SNTG1: variants seen among roughly 807,000 people sequenced by gnomAD.
SNTG1 encodes gamma-1-syntrophin.
SNTG1 carries 39 observed loss-of-function variants against 74.7 expected under a neutral mutation model. That is an observed-to-expected ratio of 0.52 (90% confidence interval 0.40 to 0.68). The LOEUF (loss-of-function observed/expected upper bound fraction) is 0.68. Ranked by LOEUF, SNTG1 falls within the 30% of genes least tolerant of loss-of-function variation. The pLI, the probability that SNTG1 is intolerant of heterozygous loss-of-function variation, is 0.00. For missense variants in SNTG1, 685 were observed against 609.5 expected, an observed-to-expected ratio of 1.12 and a Z score of -1.30; for synonymous variants, 254 against 217.1, an observed-to-expected ratio of 1.17 and a Z score of -1.49.
chr8:50,396,976 A>C (rs940745735), intron 3 of SNTG1, among the ~76,000 whole-genome samples: 5 of 152,222 alleles, frequency 3.3e-5, no homozygotes, highest in African/African-American at 9.6e-5. Flanking sequence ...TAGCTAATTA[A>C]TAATTTAAAT....
chr8:50,354,691 A>G (rs1315555967), intron 2 of SNTG1, among the ~76,000 whole-genome samples: 1 of 152,130 alleles, frequency 6.6e-6, no homozygotes, highest in Non-Finnish European at 1.5e-5. Context: ...GAGTCCAAGC[A>G]CAGCTCAGGT....
At chr8:50,641,634 G>A (rs2095073842) in intron 13 of SNTG1, among the ~76,000 whole-genome samples, 1 of 152,108 alleles carries the variant, frequency 6.6e-6, no homozygotes, top group South Asian at 2.1e-4. Context: ...CTACTCCTGG[G>A]CAAACTTCTT....
At chr8:50,675,608 TCCAATTTG>T (rs755735341) in intron 15 of SNTG1, among the ~76,000 whole-genome samples, 2 of 152,124 alleles carry the variant, frequency 1.3e-5, no homozygotes, top group African/African-American at 2.4e-5. Flanking sequence ...TGACTCTTTA[TCCAATTTG>T]CCAATCTGTG....
chr8:50,361,541 G>C (rs1257121929), intron 2 of SNTG1, among the ~76,000 whole-genome samples: 2 of 152,094 alleles, frequency 1.3e-5, no homozygotes, highest in South Asian at 2.1e-4. Context: ...GATCTCTCTA[G>C]GCTGCCCAGA....
chr8:50,440,710 G>A (rs1048948125), intron 5 of SNTG1, among the ~76,000 whole-genome samples: 2 of 151,982 alleles, frequency 1.3e-5, no homozygotes, highest in Admixed American at 6.6e-5. Context: ...GGCACACACC[G>A]GAAAGACTCG....
At chr8:50,221,743 T>C (rs2085080620) in intron 2 of SNTG1, among the ~76,000 whole-genome samples, 1 of 152,180 alleles carries the variant, frequency 6.6e-6, no homozygotes, top group African/African-American at 2.4e-5. Context: ...ATATGTACAA[T>C]GTATAGTGGG....
intron 11 of SNTG1, among the ~76,000 whole-genome samples, chr8:50,550,175 T>C (rs1226799126): frequency 6.6e-6 from 1 of 152,146 alleles, no homozygotes; most frequent in Non-Finnish European, 1.5e-5. Context: ...GCCACACAAA[T>C]CTAGCCACTC....
intron 13 of SNTG1, among the ~76,000 whole-genome samples, chr8:50,617,380 AC>A (rs2094891870): frequency 1.8e-4 from 2 of 11,300 alleles, no homozygotes; most frequent in Non-Finnish European, 3.0e-4. Flanking sequence ...TAAGCATTTC[AC>A]ACACACACAC....
chr8:50,161,215 C>A (rs556985017), intron 1 of SNTG1, among the ~76,000 whole-genome samples: 1 of 152,036 alleles, frequency 6.6e-6, no homozygotes, highest in African/African-American at 2.4e-5. Context: ...TCAGCAGCAG[C>A]GCATAGAACA....
intron 2 of SNTG1, among the ~76,000 whole-genome samples, chr8:50,238,753 G>A (rs1456758480): frequency 6.6e-6 from 1 of 152,098 alleles, no homozygotes; most frequent in Admixed American, 6.5e-5. Flanking sequence ...TCTGACAAAA[G>A]TCTGATATCC....
At chr8:50,074,673 G>A (rs1461040035) in intron 1 of SNTG1, among the ~76,000 whole-genome samples, 1 of 152,180 alleles carries the variant, frequency 6.6e-6, no homozygotes, top group East Asian at 1.9e-4. Flanking sequence ...AATATTGCTA[G>A]AATTACCAAA....
At chr8:50,319,887 T>C (rs2090461030) in intron 2 of SNTG1, among the ~76,000 whole-genome samples, 1 of 152,206 alleles carries the variant, frequency 6.6e-6, no homozygotes, top group Admixed American at 6.5e-5. Flanking sequence ...GAATGATCTC[T>C]TTAAGATATT....
At chr8:50,713,512 T>A (rs958074292) in intron 17 of SNTG1, among the ~76,000 whole-genome samples, 8 of 152,192 alleles carry the variant, frequency 5.3e-5, no homozygotes, top group African/African-American at 1.7e-4. Context: ...TTTAATGAGA[T>A]CCCATTTGTC....
intron 1 of SNTG1, among the ~76,000 whole-genome samples, chr8:50,002,741 G>T (rs1814860920): frequency 6.6e-6 from 1 of 151,982 alleles, no homozygotes; most frequent in Non-Finnish European, 1.5e-5. Context: ...CAGCAATTTT[G>T]TTACAAATAT....
chr8:50,019,084 T>C (rs1335397295), intron 1 of SNTG1, among the ~76,000 whole-genome samples: 3 of 152,024 alleles, frequency 2.0e-5, no homozygotes, highest in Admixed American at 1.3e-4. Context: ...GAAGAGAAGA[T>C]GAATGATTGC....
At chr8:50,085,542 G>A (rs558940795) in intron 1 of SNTG1, among the ~76,000 whole-genome samples, 1 of 152,288 alleles carries the variant, frequency 6.6e-6, no homozygotes, top group African/African-American at 2.4e-5. Flanking sequence ...GTATCATCAA[G>A]CCCTCAGGTT....
chr8:50,596,661 T>C (rs988718698), intron 13 of SNTG1, among the ~76,000 whole-genome samples: 1 of 152,032 alleles, frequency 6.6e-6, no homozygotes, highest in Non-Finnish European at 1.5e-5. Context: ...ATGACACAAA[T>C]ACAAAACCGT....
At chr8:50,750,911 C>CTGAGGTATG (rs2095565791) in intron 17 of SNTG1, among the ~76,000 whole-genome samples, 1 of 151,734 alleles carries the variant, frequency 6.6e-6, no homozygotes, top group Non-Finnish European at 1.5e-5. Context: ...TGTATATACC[C>CTGAGGTATG]CGAGGTATGC....
At chr8:50,610,223 T>C (rs1254116392) in intron 13 of SNTG1, among the ~76,000 whole-genome samples, 2 of 152,144 alleles carry the variant, frequency 1.3e-5, no homozygotes, top group African/African-American at 4.8e-5. Flanking sequence ...ATTTTTTGCT[T>C]GACTTCCTTG....
Sources: allele counts gnomAD v4.1 joint callset (sites outside exome capture counted in the v4.1 genomes callset), GRCh38; gene constraint gnomAD v4.1.1; transcripts MANE v1.5; gene names NCBI Gene and HGNC (gene_info 2026-07-23, HGNC 2026-07-21).